The following UGGT2 variants were observed in gnomAD, a reference collection of about 807,000 sequenced individuals.
UGGT2 encodes the protein UDP-glucose:glycoprotein glucosyltransferase 2.
A neutral mutation model predicts 192.1 loss-of-function variants in UGGT2; 180 were observed. The observed-to-expected ratio is 0.94, with a 90% confidence interval of 0.83 to 1.06. UGGT2 has a LOEUF of 1.06. UGGT2 is among the 50% of genes least tolerant of loss of function. The pLI, the probability that UGGT2 is intolerant of heterozygous loss-of-function variation, is 0.00. For missense variants in UGGT2, 1,849 were observed against 1,795.7 expected (o/e 1.03, Z -0.54); for synonymous variants, 580 against 591.0 (o/e 0.98, Z 0.27).
intron 22 of UGGT2, among the ~76,000 whole-genome samples, chr13:95,900,024 T>G (rs562533551): frequency 2.6e-5 from 4 of 152,164 alleles, no homozygotes; most frequent in African/African-American, 9.6e-5. Context: ...GATTTCTTAA[T>G]AAACCTAAGC....
At chr13:95,929,013 C>T (rs774155670) in intron 17 of UGGT2, among the ~76,000 whole-genome samples, 1 of 152,126 alleles carries the variant, frequency 6.6e-6, no homozygotes, top group African/African-American at 2.4e-5. Context: ...GCCAACACAG[C>T]GAAACCCCGT....
At chr13:96,002,071 A>C (rs1327577784) in intron 5 of UGGT2, among the ~76,000 whole-genome samples, 1 of 152,198 alleles carries the variant, frequency 6.6e-6, no homozygotes, top group African/African-American at 2.4e-5. Context: ...GTGGAGTCCA[A>C]AGTTATACAT....
intron 38 of UGGT2, among the ~76,000 whole-genome samples, chr13:95,807,728 T>TTTTTTTTTTTTTTTC (rs1453091166): frequency 1.4e-5 from 2 of 147,354 alleles, no homozygotes; most frequent in African/African-American, 5.0e-5. Context: ...TTTTTTTTTT[T>TTTTTTTTTTTTTTTC]TTTTTTTGCC....
chr13:95,901,332 T>C (rs1004477313), intron 21 of UGGT2, among the ~76,000 whole-genome samples: 19 of 152,132 alleles, frequency 1.2e-4, no homozygotes, highest in African/African-American at 4.6e-4. Flanking sequence ...GAAATACTCC[T>C]TTCTCCCCAT....
At chr13:95,895,621 C>A (rs760326093) in intron 22 of UGGT2, among the ~76,000 whole-genome samples, 1 of 151,836 alleles carries the variant, frequency 6.6e-6, no homozygotes, top group African/African-American at 2.4e-5. Context: ...AATCATAAAT[C>A]GTGATTTGAA....
rs770802796 is a variant in UGGT2 at position 95,859,578 on chromosome 13, G to A, written c.3825+13C>T. On this transcript the variant is annotated intron_variant, in intron 33 of 38. Transcript: ENST00000376747. The stretch of plus-strand genomic sequence containing the variant: ...AAACATTAACCATTCTACAAAAAAA[G>A]CTATGTACTTACTTTAAATGTCGGT... 5.0e-6 allele frequency: 8 copies of A among 1,591,884 alleles called. No homozygotes were observed. The highest frequency in any genetic ancestry group is 6.9e-6 in the Non-Finnish European group (8 of 1,163,666).
At chr13:96,002,296 A>T (rs540227608) in intron 5 of UGGT2, among the ~76,000 whole-genome samples, 1 of 152,356 alleles carries the variant, frequency 6.6e-6, no homozygotes, top group Admixed American at 6.5e-5. Context: ...AATTCTTGGC[A>T]TAAGATGATT....
chr13:95,983,167 T>C (rs1446487295), intron 10 of UGGT2, among the ~76,000 whole-genome samples: 1 of 152,226 alleles, frequency 6.6e-6, no homozygotes, highest in Non-Finnish European at 1.5e-5. Flanking sequence ...AAGAAGGCTT[T>C]AGTGAGGATA....
At position 95,829,188 on chromosome 13, in the gene UGGT2, T is replaced by C. The variant is rs543841036; in HGVS notation, c.4528+3739A>G. On this transcript the variant is annotated intron_variant, in intron 38 of 38. Coordinates refer to ENST00000376747, the MANE Select transcript of UGGT2 (RefSeq NM_020121.4). ...CGTATCTCAAAATAATAAGAGCGAT[T>C]TATGACAAACCCACAGCCAGTATCA... is the stretch of plus-strand genomic sequence containing the variant. 1.1e-4 allele frequency among the ~76,000 whole-genome samples: 17 copies of C among 152,204 alleles called. No homozygotes were observed. In the East Asian group the frequency reaches 2.7e-3, roughly 24 times the overall value.
chr13:95,933,848 ATT>A (rs200727127), intron 17 of UGGT2, among the ~76,000 whole-genome samples: 2 of 151,446 alleles, frequency 1.3e-5, no homozygotes, highest in African/African-American at 2.4e-5. Flanking sequence ...GGCCCAGCTA[ATT>A]TTTTTTTGTA....
intron 36 of UGGT2, among the ~76,000 whole-genome samples, chr13:95,842,816 G>C (rs1039249769): frequency 6.6e-6 from 1 of 152,156 alleles, no homozygotes; most frequent in Non-Finnish European, 1.5e-5. Context: ...AATAAACCCT[G>C]TCCACAACCA....
chr13:95,892,530 T>C (rs2047831198), intron 24 of UGGT2, among the ~76,000 whole-genome samples: 2 of 152,160 alleles, frequency 1.3e-5, no homozygotes. Context: ...GAAGAACTGC[T>C]TAGGTATACA....
At chr13:95,934,550 C>A (rs1427270464) in intron 17 of UGGT2, among the ~76,000 whole-genome samples, 3 of 152,232 alleles carry the variant, frequency 2.0e-5, no homozygotes, top group African/African-American at 7.2e-5. Context: ...AAATGGCCTA[C>A]ACGCCTCACT....
chr13:95,981,598 A>C (rs2051127533), intron 10 of UGGT2, among the ~76,000 whole-genome samples: 1 of 152,182 alleles, frequency 6.6e-6, no homozygotes, highest in Non-Finnish European at 1.5e-5. Flanking sequence ...TGGTGTAAAT[A>C]AACTGCAGCA....
intron 10 of UGGT2, among the ~76,000 whole-genome samples, chr13:95,978,010 T>C (rs749538880): frequency 3.1e-4 from 47 of 151,384 alleles, no homozygotes; most frequent in Middle Eastern, 6.8e-3. Flanking sequence ...CATGGACACA[T>C]GTGGCCTGCC....
intron 22 of UGGT2, among the ~76,000 whole-genome samples, chr13:95,898,692 C>T (rs1389754068): frequency 6.6e-6 from 1 of 152,048 alleles, no homozygotes; most frequent in Non-Finnish European, 1.5e-5. Flanking sequence ...ACTAATGCCA[C>T]TATAAAAAGG....
chr13:95,863,410 T>C (rs1890341409), intron 31 of UGGT2: 1 of 398,170 alleles, frequency 2.5e-6, no homozygotes, highest in Non-Finnish European at 4.5e-6. Context: ...TAAGTGGATA[T>C]ATAATTTTTC....
intron 11 of UGGT2, among the ~76,000 whole-genome samples, chr13:95,970,698 C>A (rs763994121): frequency 6.6e-6 from 1 of 152,016 alleles, no homozygotes; most frequent in Non-Finnish European, 1.5e-5. Context: ...TGTTTGAATA[C>A]AAATTTAAAT....
chr13:95,856,233 C>G lies in UGGT2; in HGVS notation c.3933G>C (p.Trp1311Cys). ...CATCAAGGAAAAGAATTTTGTAACC[C>G]CAAATAATCCTCTGTCTTTCAGTCT... ...RQQTERQRII[W>C]GYKILFLDVL... The change falls in exon 34 of 39, where the codon TGG becomes TGC. Residue 1311 changes from tryptophan to cysteine, a missense_variant. Physicochemically the swap from Trp to Cys is radical, Grantham distance 215. Coordinates refer to ENST00000376747, the MANE Select transcript of UGGT2 (RefSeq NM_020121.4). The G allele has an allele frequency of 3.1e-6, 5 of 1,613,558 alleles. No homozygotes were observed. The highest frequency in any genetic ancestry group is 4.2e-6 in the Non-Finnish European group (5 of 1,179,748).
Sources: gnomAD v4.1 joint callset for allele counts (sites outside exome capture counted in the v4.1 genomes callset) on GRCh38, gnomAD v4.1.1 for gene constraint, MANE v1.5 for transcripts, NCBI Gene and HGNC (gene_info 2026-07-23, HGNC 2026-07-21) for gene names.